Variants in CLCN1 observed in about 807,000 individuals in gnomAD.
The protein encoded by CLCN1 is chloride channel protein 1.
CLCN1 carries 100 observed loss-of-function variants against 114.5 expected under a neutral mutation model. The observed-to-expected ratio is 0.87, with a 90% CI of 0.74 to 1.03. The LOEUF (loss-of-function observed/expected upper bound fraction) is 1.03, where lower values mean the gene tolerates loss of function less well. CLCN1 is among the 50% of genes least tolerant of loss of function. CLCN1 has a pLI of 0.00. For synonymous variants in CLCN1, 485 were observed against 487.1 expected, an observed-to-expected ratio of 1.00 and a Z score of 0.06; for missense variants, 1,188 against 1,250.0, an observed-to-expected ratio of 0.95 and a Z score of 0.75.
rs748936812 is a variant in CLCN1 at position 143,332,324 on chromosome 7, C to A, written c.1167-95C>A. ...TTTTTCATTTAAAGAAATGAGACTACGGTGGACTAAAGGAAACTTCAGCTT... is the reference window on the plus strand; with the variant it reads ...TTTTTCATTTAAAGAAATGAGACTAAGGTGGACTAAAGGAAACTTCAGCTT... On this transcript the variant is annotated intron_variant, in intron 10 of 22. Coordinates refer to ENST00000343257, the MANE Select transcript of CLCN1 (RefSeq NM_000083.3). 20 of 925,528 alleles carry A rather than the reference C, an allele frequency of 2.2e-5. No individual in the cohort carries two copies. In the Middle Eastern group the frequency reaches 1.1e-3, roughly 49 times the overall value. The allele number at this position is 925,528 out of a possible 1,614,324, so 57.3% of individuals were successfully genotyped here.
chr7:143,346,856 T>C, intron 19 of CLCN1, 55 bp from the exon 20 acceptor site: 1 of 1,553,014 alleles, frequency 6.4e-7, no homozygotes. Context: ...TTGGGAGCCA[T>C]AGCTACCATG....
rs777416660 is a variant in CLCN1 at position 143,351,689 on chromosome 7, C to G, written c.2691C>G (p.Thr897=). The G allele has an allele frequency of 1.9e-6, 3 of 1,614,064 alleles. No homozygotes were observed. The highest frequency in any genetic ancestry group is 1.3e-5 in the African/African-American group (1 of 74,918). The change falls in exon 23 of 23, where the codon ACC becomes ACG. Residue 897 remains threonine (T), a synonymous_variant. Transcript: ENST00000343257. ...FRNTTSTRKS[T]GAPPSSAENW... is the part of the protein sequence containing the mutation. ...ACACGACTTCAACTCGAAAGAGTAC[C>G]GGGGCACCTCCATCTTCTGCAGAGA...
At chr7:143,320,014 G>A in intron 2 of CLCN1, 139 bp downstream of exon 2, 2 of 885,014 alleles carry the variant, frequency 2.3e-6, no homozygotes, top group Non-Finnish European at 3.6e-6. Flanking sequence ...TAAGAGACAG[G>A]GTCTCACTCT....
chr7:143,321,327 G>A lies in CLCN1; in HGVS notation c.434-38G>A. 6.2e-7 allele frequency: 1 copy of A among 1,613,038 alleles called. No homozygotes were observed. Among genetic ancestry groups the A allele is most frequent in the Non-Finnish European group, 8.5e-7 (1 of 1,179,640 alleles). ...CTGGTGCCGTGGACACGGCTGCTCA[G>A]CCATGTTCTGCCTAACCCCAGGCAT... On this transcript the variant is annotated intron_variant, in intron 3 of 22. Transcript: ENST00000343257. The surrounding 1 kb of genome is among the most constrained non-coding windows in gnomAD (Gnocchi z 4.2).
Position 143,345,540 on chromosome 7 carries a change from C to T in CLCN1, c.1950C>T (p.Gly650=), listed in dbSNP as rs1440388608. 1.3e-6 allele frequency: 2 copies of T among 1,539,968 alleles called. No individual in the cohort carries two copies. Among genetic ancestry groups the T allele is most frequent in the Non-Finnish European group, 1.8e-6 (2 of 1,139,076 alleles). The change falls in exon 17 of 23, where the codon GGC becomes GGT. Residue 650 remains glycine (G), a synonymous_variant. Coordinates refer to ENST00000343257, the MANE Select transcript of CLCN1 (RefSeq NM_000083.3). The part of the protein sequence containing the change: ...VDSKDSMILL[G]SVERSELQAL... The stretch of plus-strand genomic sequence containing the variant: ...CCTCAGATTCAATGATCCTGCTGGG[C>T]TCGGTGGAGCGGTCGGAACTGCAGG...
rs1803380097 is a variant in CLCN1 at position 143,350,908 on chromosome 7, G to C, written c.2595+254G>C. 6.6e-6 allele frequency among the ~76,000 whole-genome samples: 1 copy of C among 151,980 alleles called. No homozygotes were observed. The highest frequency in any genetic ancestry group is 2.1e-4 in the South Asian group (1 of 4,826). On this transcript the variant is annotated intron_variant, in intron 22 of 22. Coordinates refer to ENST00000343257, the MANE Select transcript of CLCN1 (RefSeq NM_000083.3). This position sits in a 1 kb window ranked among gnomAD's most constrained non-coding sequence, Gnocchi z 5.1. The stretch of plus-strand genomic sequence containing the variant: ...TTCTCCTGCCTCAGCCTCCCAAGTA[G>C]CTGGGATTACAGGCGCCCGCTACCA...
At chr7:143,335,469 C>T (rs1802850128) in intron 12 of CLCN1, among the ~76,000 whole-genome samples, 1 of 152,164 alleles carries the variant, frequency 6.6e-6, no homozygotes, top group African/African-American at 2.4e-5. Flanking sequence ...ATCACCACTT[C>T]CCAGCATTTT....
At chr7:143,349,524 T>C (rs1199164337) in intron 20 of CLCN1, among the ~76,000 whole-genome samples, 1 of 152,200 alleles carries the variant, frequency 6.6e-6, no homozygotes, top group Non-Finnish European at 1.5e-5. Flanking sequence ...GAGCCAGAGA[T>C]GTAATGGATT....
chr7:143,345,803 G>A, intron 17 of CLCN1, 41 bp downstream of exon 17: 1 of 1,587,480 alleles, frequency 6.3e-7, no homozygotes, highest in Non-Finnish European at 8.6e-7. Flanking sequence ...GATAGATCAG[G>A]AGCAAAGGGA....
chr7:143,323,192 T>C (rs1189257630), intron 5 of CLCN1, 117 bp from the exon 6 acceptor site: 2 of 725,954 alleles, frequency 2.8e-6, no homozygotes, highest in African/African-American at 3.4e-5. Context: ...TCTGTGTAAC[T>C]CCCGTATTTC....
At position 143,350,746 on chromosome 7, in the gene CLCN1, A is replaced by G; in HGVS notation, c.2595+92A>G. 1.1e-6 allele frequency: 1 copy of G among 879,458 alleles called. No homozygotes were observed. The highest frequency in any genetic ancestry group is 2.4e-5 in the East Asian group (1 of 41,214). The allele number at this position is 879,458 out of a possible 1,614,324, so 54.5% of individuals were successfully genotyped here. A position where few individuals can be genotyped will look rare whatever the true frequency, so the allele number is the denominator to read the frequency against. On this transcript the variant is annotated intron_variant, in intron 22 of 22. Transcript: ENST00000343257. This position sits in a 1 kb window ranked among gnomAD's most constrained non-coding sequence, Gnocchi z 5.1. The stretch of plus-strand genomic sequence containing the variant: ...GGGACAGAAGGAATATTAGCATCTC[A>G]GAAGTCCCCTCAGATTCCCTTCTCT...
intron 3 of CLCN1, among the ~76,000 whole-genome samples, 192 bp downstream of exon 3, chr7:143,320,987 C>T (rs562004287): frequency 5.3e-5 from 8 of 152,284 alleles, no homozygotes; most frequent in South Asian, 2.1e-4. Context: ...CACGCCCCTC[C>T]ACTCACTGCC....
chr7:143,328,789 G>A (rs926741842), intron 7 of CLCN1, among the ~76,000 whole-genome samples: 1 of 152,064 alleles, frequency 6.6e-6, no homozygotes, highest in East Asian at 1.9e-4. Context: ...AGCAAGCTCT[G>A]TCTGCCCCAC....
At position 143,333,378 on chromosome 7, in the gene CLCN1, G is replaced by A. The variant is rs541177568; in HGVS notation, c.1401+505G>A. The stretch of plus-strand genomic sequence containing the variant: ...TATCTGAGTTAATTGCTGTATTCAC[G>A]TCAACTTAGTGTTGTCTGGCATAGT... On this transcript the variant is annotated intron_variant, in intron 12 of 22. Coordinates refer to ENST00000343257, the MANE Select transcript of CLCN1 (RefSeq NM_000083.3). Among the ~76,000 whole-genome samples, 8 of 151,952 alleles carry A rather than the reference G, an allele frequency of 5.3e-5. No individual in the cohort carries two copies. In the South Asian group the frequency reaches 1.0e-3, roughly 20 times the overall value.
chr7:143,330,300 G>C (rs1287111190), intron 7 of CLCN1, among the ~76,000 whole-genome samples: 1 of 152,132 alleles, frequency 6.6e-6, no homozygotes, highest in East Asian at 1.9e-4. Flanking sequence ...AGAACGGTAG[G>C]AAAGTCCAGA....
rs2272258 is a variant in CLCN1 at position 143,321,657 on chromosome 7, A to G, written c.563-58A>G. On this transcript the variant is annotated intron_variant, in intron 4 of 22. Transcript: ENST00000343257. This position sits in a 1 kb window ranked among gnomAD's most constrained non-coding sequence, Gnocchi z 4.2. ...CAATTCCCATTCCCATATTCTGGACATTCATCTCCCTTTTCACCTTCACCT... is the reference window on the plus strand; with the variant it reads ...CAATTCCCATTCCCATATTCTGGACGTTCATCTCCCTTTTCACCTTCACCT... The G allele has an allele frequency of 3.8e-4, 618 of 1,612,060 alleles. 6 individuals are homozygous for G. In the East Asian group the frequency reaches 0.013, roughly 33 times the overall value.
rs747599835 is a variant in CLCN1, at chr7:143,321,399, C to G, written c.468C>G (p.Ser156Arg). Residue 156 changes from serine (S) to arginine (R), a missense_variant, in exon 4 of 23, where the codon AGC (serine) becomes AGG (arginine). Coordinates refer to ENST00000343257, the MANE Select transcript of CLCN1 (RefSeq NM_000083.3). The surrounding 1 kb of genome is among the most constrained non-coding windows in gnomAD (Gnocchi z 4.2). ...YKWSYAQMQP[S>R]LPLQFLVWVT... ...GGTCCTACGCGCAGATGCAGCCCAGCCTTCCTCTGCAGTTCCTGGTCTGGG... is the reference window on the plus strand; with the variant it reads ...GGTCCTACGCGCAGATGCAGCCCAGGCTTCCTCTGCAGTTCCTGGTCTGGG... The G allele has an allele frequency of 1.2e-6, 2 of 1,614,072 alleles. No individual in the cohort carries two copies. Among genetic ancestry groups the G allele is most frequent in the African/African-American group, 1.3e-5 (1 of 74,926 alleles).
chr7:143,345,596 G>T lies in CLCN1; in HGVS notation c.2006G>T (p.Arg669Leu), dbSNP rs1014684722. 5.8e-6 allele frequency: 9 copies of T among 1,552,718 alleles called. No individual in the cohort carries two copies. Among genetic ancestry groups the T allele is most frequent in the Middle Eastern group, 3.7e-4 (2 of 5,474 alleles). The change falls in exon 17 of 23, where the codon CGC becomes CTC. Residue 669 changes from arginine to leucine, a missense_variant. Transcript: ENST00000343257. ...ALLQRHLCPE[R>L]RLRAAQEMAR... The stretch of plus-strand genomic sequence containing the variant: ...CTGCAGCGCCACCTGTGTCCTGAGC[G>T]CAGGCTGCGCGCAGCCCAAGAGATG...
At chr7:143,345,819 G>A in intron 17 of CLCN1, 57 bp downstream of exon 17, 1 of 1,582,942 alleles carries the variant, frequency 6.3e-7, no homozygotes, top group Admixed American at 1.7e-5. Context: ...AGGGAAAAGC[G>A]TCGTCTGGGC....
Sources: allele counts gnomAD v4.1 joint callset (sites outside exome capture counted in the v4.1 genomes callset), GRCh38; gene constraint gnomAD v4.1.1; non-coding constraint Gnocchi (gnomAD v3.1); transcripts MANE v1.5; gene names NCBI Gene and HGNC (gene_info 2026-07-23, HGNC 2026-07-21).